The following LZTFL1 variants were observed in gnomAD, a reference collection of about 807,000 sequenced individuals.
The protein encoded by LZTFL1 is leucine zipper transcription factor-like protein 1.
Under a neutral mutation model 45.9 loss-of-function variants are expected in LZTFL1, and 25 were observed. The ratio of observed to expected loss-of-function variants is 0.54; its 90% confidence interval spans 0.40 to 0.76. The LOEUF (loss-of-function observed/expected upper bound fraction) is 0.76. LZTFL1 is among the 30% of genes least tolerant of loss of function. The probability of loss-of-function intolerance (pLI) is 0.00; values close to 1 mark genes in which losing one functional copy is unlikely to be tolerated. For synonymous variants in LZTFL1, 93 were observed against 117.4 expected, an observed-to-expected ratio of 0.79 and a Z score of 1.35; for missense variants, 277 against 331.1, an observed-to-expected ratio of 0.84 and a Z score of 1.27.
chr3:45,856,626 C>A (rs1052713136), intron 3 of LZTFL1, among the ~76,000 whole-genome samples: 1 of 151,990 alleles, frequency 6.6e-6, no homozygotes, highest in Non-Finnish European at 1.5e-5. Flanking sequence ...TGTTTTCAAT[C>A]GATCCATCTA....
At position 45,824,206 on chromosome 3, in the gene LZTFL1, A is replaced by C. The variant is rs574033428; in HGVS notation, c.*2108T>G. 1.7e-4 allele frequency: 26 copies of C among 152,304 alleles called. No homozygotes were observed. The highest frequency in any genetic ancestry group is 6.0e-4 in the African/African-American group (25 of 41,564). 9.4% of individuals were successfully genotyped at this position (152,304 alleles called of 1,614,324 possible). Reference sequence around the variant, plus strand: ...TGCCTGTCTGGCTTAGCACATCAAAAGTCTAATCAAGGCTCAAACCACCAT... The same window carrying C: ...TGCCTGTCTGGCTTAGCACATCAAACGTCTAATCAAGGCTCAAACCACCAT... On this transcript the variant is annotated 3_prime_UTR_variant, in exon 10 of 10. Coordinates refer to ENST00000296135, the MANE Select transcript of LZTFL1 (RefSeq NM_020347.4).
chr3:45,891,037 G>A (rs1001108102), intron 2 of LZTFL1, among the ~76,000 whole-genome samples: 2 of 152,222 alleles, frequency 1.3e-5, no homozygotes, highest in African/African-American at 4.8e-5. Context: ...GGGTGATTTT[G>A]ATTTTCTCCT....
chr3:45,913,156 T>A (rs1482770761), exon 2 of LZTFL1: 7 of 1,535,774 alleles, frequency 4.6e-6, no homozygotes, highest in African/African-American at 1.4e-5. Context: ...TCTGTAAAAG[T>A]GGGCTGACTT....
At chr3:45,830,888 G>A (rs1700795400) in intron 7 of LZTFL1, 25 bp downstream of exon 7, 2 of 1,596,334 alleles carry the variant, frequency 1.3e-6, no homozygotes, top group Non-Finnish European at 1.7e-6. Context: ...GAAAATGTGA[G>A]AAAGGTAGCT....
chr3:45,873,285 T>C (rs960453773), intron 2 of LZTFL1, among the ~76,000 whole-genome samples: 5 of 152,228 alleles, frequency 3.3e-5, no homozygotes, highest in Non-Finnish European at 7.3e-5. Flanking sequence ...ATGCTAGTGT[T>C]GCTCTATGGG....
intron 2 of LZTFL1, among the ~76,000 whole-genome samples, chr3:45,897,998 C>G (rs1015056641): frequency 1.4e-5 from 2 of 139,430 alleles, no homozygotes; most frequent in Non-Finnish European, 3.2e-5. Context: ...AAAAAACACA[C>G]AAAACACAAA....
intron 1 of LZTFL1, among the ~76,000 whole-genome samples, chr3:45,838,385 C>T (rs536618142): frequency 2.3e-4 from 35 of 152,304 alleles, no homozygotes; most frequent in Admixed American, 1.0e-3. Flanking sequence ...ACATCAATGC[C>T]CTAGAGGCTG....
At chr3:45,881,487 C>T (rs563681492) in intron 2 of LZTFL1, among the ~76,000 whole-genome samples, 18 of 152,128 alleles carry the variant, frequency 1.2e-4, no homozygotes, top group African/African-American at 3.9e-4. Context: ...CTGCAGGGTG[C>T]GGGCCCCCTC....
chr3:45,865,717 T>C (rs901093604), intron 2 of LZTFL1, among the ~76,000 whole-genome samples: 17 of 152,242 alleles, frequency 1.1e-4, no homozygotes, highest in Admixed American at 6.5e-4. Flanking sequence ...AATGATACAG[T>C]CATTTGAAAA....
intron 2 of LZTFL1, among the ~76,000 whole-genome samples, chr3:45,836,110 AT>A (rs1418973039): frequency 3.9e-5 from 6 of 152,164 alleles, no homozygotes; most frequent in African/African-American, 1.4e-4. Context: ...GTCTTATTAC[AT>A]TTAATAATTT....
exon 1 of LZTFL1, chr3:45,915,506 C>T (rs952723845): frequency 4.6e-5 from 21 of 456,238 alleles, no homozygotes; most frequent in South Asian, 2.3e-4. Flanking sequence ...GAGCAGAAAG[C>T]GGGGGAGACC....
chr3:45,836,212 G>A (rs968538650), intron 2 of LZTFL1, among the ~76,000 whole-genome samples: 8 of 152,158 alleles, frequency 5.3e-5, no homozygotes, highest in South Asian at 4.2e-4. Flanking sequence ...GTTAGTAAAC[G>A]TCTATGGGAA....
intron 2 of LZTFL1, among the ~76,000 whole-genome samples, chr3:45,908,392 T>G (rs1226397668): frequency 6.6e-6 from 1 of 152,230 alleles, no homozygotes; most frequent in African/African-American, 2.4e-5. Flanking sequence ...TAGTACATGC[T>G]AAGCACTGGG....
At position 45,900,259 on chromosome 3, in the gene LZTFL1, G is replaced by GTGTGTA. The variant is rs562893191; in HGVS notation, c.-215+12855_-215+12860dup. 3.9e-4 allele frequency among the ~76,000 whole-genome samples: 60 copies of GTGTGTA among 152,300 alleles called. No homozygotes were observed. The highest frequency in any genetic ancestry group is 1.4e-3 in the African/African-American group (59 of 41,582). ...TGTATGTAGGGTTGAGAGTGTCTGT[G>GTGTGTA]TGTGTATGTGTATGTGCATGTGTAT... On this transcript the variant is annotated intron_variant, in intron 2 of 4. Coordinates refer to the LZTFL1 transcript ENST00000472635. This position sits in a 1 kb window ranked among gnomAD's most constrained non-coding sequence, Gnocchi z 4.7.
chr3:45,877,656 T>G (rs1035652931), intron 2 of LZTFL1, among the ~76,000 whole-genome samples: 5 of 152,192 alleles, frequency 3.3e-5, no homozygotes, highest in Non-Finnish European at 1.5e-5. Flanking sequence ...AAAATTGGGC[T>G]GTTATTTCTA....
At chr3:45,907,428 A>G (rs946881773) in intron 2 of LZTFL1, among the ~76,000 whole-genome samples, 1 of 152,180 alleles carries the variant, frequency 6.6e-6, no homozygotes, top group South Asian at 2.1e-4. Flanking sequence ...AGGTGCTTCA[A>G]GGAACCTGTC....
chr3:45,905,609 C>T (rs57295094), intron 2 of LZTFL1, among the ~76,000 whole-genome samples: 42,092 of 152,162 alleles, frequency 0.28, 7,987 homozygotes, highest in African/African-American at 0.54. Flanking sequence ...CTTCAGGGCC[C>T]GCCTCCACTG....
At chr3:45,893,076 A>T (rs1045794220) in intron 2 of LZTFL1, among the ~76,000 whole-genome samples, 1 of 152,014 alleles carries the variant, frequency 6.6e-6, no homozygotes, top group African/African-American at 2.4e-5. Context: ...GACAGTGAAC[A>T]TATTTATCCC....
Position 45,910,378 on chromosome 3 carries a change from T to G in LZTFL1, c.-215+2742A>C, listed in dbSNP as rs147832039. On this transcript the variant is annotated intron_variant, in intron 2 of 4. Coordinates refer to the LZTFL1 transcript ENST00000472635. ...GAAGGCATCAAGGATGACTTGGGTT[T>G]TGAATCTGCACGTTTGGGTGGTTGG... Among the ~76,000 whole-genome samples the G allele has an allele frequency of 7.9e-5, 12 of 152,264 alleles. No individual in the cohort carries two copies. The East Asian group carries it at 2.1e-3, about 27-fold the overall frequency.
Sources: gnomAD v4.1 joint callset for allele counts (sites outside exome capture counted in the v4.1 genomes callset) on GRCh38, gnomAD v4.1.1 for gene constraint, Gnocchi (gnomAD v3.1) non-coding constraint, MANE v1.5 for transcripts, NCBI Gene and HGNC (gene_info 2026-07-23, HGNC 2026-07-21) for gene names.